PRELP: variants seen among roughly 807,000 people sequenced by gnomAD.
PRELP encodes prolargin.
In PRELP, 16 loss-of-function variants were observed where a neutral mutation model predicts 22.8. The observed-to-expected ratio is 0.70, with a 90% CI of 0.47 to 1.06. The LOEUF is 1.06. Among genes scored for constraint, PRELP ranks in the 50% least tolerant of loss-of-function variants. The pLI is 0.00. For missense variants in PRELP, 434 were observed against 485.2 expected, an observed-to-expected ratio of 0.89 and a Z score of 0.99; for synonymous variants, 233 against 211.4, an observed-to-expected ratio of 1.10 and a Z score of -0.89.
At chr1:203,477,818 T>A (rs556910114) in intron 1 of PRELP, among the ~76,000 whole-genome samples, 1 of 152,356 alleles carries the variant, frequency 6.6e-6, no homozygotes, top group African/African-American at 2.4e-5. Flanking sequence ...TCCCCTCACC[T>A]GTTGCAGAAA....
At chr1:203,486,100 G>C (rs924843918) in intron 2 of PRELP, among the ~76,000 whole-genome samples, 1 of 152,186 alleles carries the variant, frequency 6.6e-6, no homozygotes, top group African/African-American at 2.4e-5. Flanking sequence ...AGTGTAGCCG[G>C]ATTATCTTTG....
At position 203,484,163 on chromosome 1, in the gene PRELP, T is replaced by C; in HGVS notation, c.973+6T>C. On this transcript the variant is annotated splice_donor_region_variant and intron_variant, in intron 2 of 2. Coordinates refer to ENST00000343110, the MANE Select transcript of PRELP (RefSeq NM_002725.4). ...CAACAACAATAGCATCGAGAGTGAG[T>C]GGGGTGGGCCGGGGCGGGGCCGAAG... The C allele has an allele frequency of 1.2e-5, 7 of 596,878 alleles. No homozygotes were observed. The highest frequency in any genetic ancestry group is 2.1e-5 in the Non-Finnish European group (7 of 326,086). The allele number at this position is 596,878 out of a possible 1,614,324, so 37.0% of individuals were successfully genotyped here.
At chr1:203,476,974 T>C (rs1211392860) in intron 1 of PRELP, among the ~76,000 whole-genome samples, 2 of 148,454 alleles carry the variant, frequency 1.3e-5, no homozygotes, top group African/African-American at 4.9e-5. Flanking sequence ...CCTTAAGCAG[T>C]TGGGGAGGGG....
At chr1:203,477,959 A>C (rs572493452) in intron 1 of PRELP, among the ~76,000 whole-genome samples, 2 of 152,288 alleles carry the variant, frequency 1.3e-5, no homozygotes, top group South Asian at 4.1e-4. Context: ...AAGGGGAGGA[A>C]GTTGCTCTGT....
intron 1 of PRELP, among the ~76,000 whole-genome samples, chr1:203,476,253 A>T (rs933712914): frequency 3.3e-5 from 5 of 152,254 alleles, no homozygotes; most frequent in African/African-American, 1.2e-4. Flanking sequence ...TTCCATAGAA[A>T]CTGGACTCCA....
Position 203,483,794 on chromosome 1 carries a change from C to A in PRELP, c.610C>A (p.His204Asn), listed in dbSNP as rs762091905. The A allele has an allele frequency of 1.9e-6, 3 of 1,614,076 alleles. No homozygotes were observed. The African/African-American group carries it at 4.0e-5, about 22-fold the overall frequency. The change falls in exon 2 of 3, where the codon CAC (histidine) becomes AAC (asparagine). Residue 204 changes from histidine (H) to asparagine (N), a missense_variant. By Grantham distance (68) the His-to-Asn change is moderately conservative (BLOSUM62 1). Transcript: ENST00000343110. This position sits in a 1 kb window ranked among gnomAD's most constrained non-coding sequence, Gnocchi z 4.4. ...LENLLLLDLQ[H>N]NRLSDGVFKP... ...GAACCTGCTGCTCCTGGATCTCCAGCACAACAGGCTGAGCGACGGCGTCTT... is the reference window on the plus strand; with the variant it reads ...GAACCTGCTGCTCCTGGATCTCCAGAACAACAGGCTGAGCGACGGCGTCTT...
rs188954223 is a variant in PRELP, at chr1:203,478,707, C to G, written c.-17+2769C>G. On this transcript the variant is annotated intron_variant, in intron 1 of 2. Coordinates refer to ENST00000343110, the MANE Select transcript of PRELP (RefSeq NM_002725.4). ...GAGGGGTGAGAATCTTCTCTCCTAACTAGTATGCACCACAGGCTCTCCTCC... is the reference window on the plus strand; with the variant it reads ...GAGGGGTGAGAATCTTCTCTCCTAAGTAGTATGCACCACAGGCTCTCCTCC... Among the ~76,000 whole-genome samples, 71 of 152,238 alleles carry G rather than the reference C, an allele frequency of 4.7e-4. 1 individual carries two copies. The highest frequency in any genetic ancestry group is 9.1e-4 in the Non-Finnish European group (62 of 68,012).
rs1661169240 is a variant in PRELP at position 203,490,267 on chromosome 1, C to G, written c.*3386C>G. On this transcript the variant is annotated 3_prime_UTR_variant, in exon 3 of 3. Coordinates refer to ENST00000343110, the MANE Select transcript of PRELP (RefSeq NM_002725.4). ...ACACGTGAGTCACCATGCCCAGCCC[C>G]AAAGCCATTTCTTGAAGAATTTCTC... The G allele has an allele frequency of 6.6e-6, 1 of 152,160 alleles. No homozygotes were observed. The highest frequency in any genetic ancestry group is 1.5e-5 in the Non-Finnish European group (1 of 68,034). 9.4% of individuals were successfully genotyped at this position (152,160 alleles called of 1,614,324 possible).
rs886490922 is a variant in PRELP, at chr1:203,490,772, C to T, written c.*3891C>T. 1 of 152,220 alleles carries T rather than the reference C, an allele frequency of 6.6e-6. No individual in the cohort carries two copies. The highest frequency in any genetic ancestry group is 2.4e-5 in the African/African-American group (1 of 41,442). The allele number at this position is 152,220 out of a possible 1,614,324, so 9.4% of individuals were successfully genotyped here. On this transcript the variant is annotated 3_prime_UTR_variant, in exon 3 of 3. Transcript: ENST00000343110. ...AATGAGAACTGCCAGGTGACGCCCT[C>T]GCTGCTCCTACCTGGCTACTAAACA...
At position 203,487,794 on chromosome 1, in the gene PRELP, A is replaced by T. The variant is rs941267406; in HGVS notation, c.*913A>T. ...CCGCCCCCGCCATCTGTTCTCCATC[A>T]GTGTGCGCGGCCCAGCCATTTCCAC... is the stretch of plus-strand genomic sequence containing the variant. On this transcript the variant is annotated 3_prime_UTR_variant, in exon 3 of 3. Coordinates refer to ENST00000343110, the MANE Select transcript of PRELP (RefSeq NM_002725.4). The T allele has an allele frequency of 1.3e-5, 2 of 152,246 alleles. No individual in the cohort carries two copies. Among genetic ancestry groups the T allele is most frequent in the Non-Finnish European group, 2.9e-5 (2 of 68,070 alleles). The allele number at this position is 152,246 out of a possible 1,614,324, so 9.4% of individuals were successfully genotyped here.
chr1:203,484,295 C>T (rs925852779), intron 2 of PRELP, 138 bp downstream of exon 2: 1 of 1,330,454 alleles, frequency 7.5e-7, no homozygotes, highest in African/African-American at 1.5e-5. Context: ...CATGGCCTTG[C>T]CACTTGCTAT....
rs576578609 is a variant in PRELP at position 203,483,908 on chromosome 1, A to C, written c.724A>C (p.Thr242Pro). Residue 242 changes from threonine to proline, a missense_variant, in exon 2 of 3, where the codon ACC (threonine) becomes CCC (proline). Coordinates refer to ENST00000343110, the MANE Select transcript of PRELP (RefSeq NM_002725.4). This position sits in a 1 kb window ranked among gnomAD's most constrained non-coding sequence, Gnocchi z 4.4. ...GAGAAAGATGCCGCCCAGGGTCCCC[A>C]CCGCCATTCACCAGCTCTACCTGGA... Reference protein sequence around the residue: ...ILRKMPPRVPTAIHQLYLDSN... With the variant: ...ILRKMPPRVPPAIHQLYLDSN... 1 of 1,614,198 alleles carries C rather than the reference A, an allele frequency of 6.2e-7. No homozygotes were observed. Among genetic ancestry groups the C allele is most frequent in the East Asian group, 2.2e-5 (1 of 44,884 alleles).
chr1:203,486,934 G>A lies in PRELP; in HGVS notation c.*53G>A. ...GACCGCACTTGAAGGCTGGGGCCCA[G>A]GCACCTGTGCCGGCCATTCGTTTTC... On this transcript the variant is annotated 3_prime_UTR_variant, in exon 3 of 3. Coordinates refer to ENST00000343110, the MANE Select transcript of PRELP (RefSeq NM_002725.4). 1 of 1,519,620 alleles carries A rather than the reference G, an allele frequency of 6.6e-7. No homozygotes were observed. The allele number at this position is 1,519,620 out of a possible 1,614,324, so 94.1% of individuals were successfully genotyped here. A position where few individuals can be genotyped will look rare whatever the true frequency, so the allele number is the denominator to read the frequency against.
Position 203,487,671 on chromosome 1 carries a change from G to A in PRELP, c.*790G>A, listed in dbSNP as rs1160121228. On this transcript the variant is annotated 3_prime_UTR_variant, in exon 3 of 3. Transcript: ENST00000343110. Reference sequence around the variant, plus strand: ...GGGTTCAAGCCCGGGATGGGCCCGCGTGACGTCGATGGGTCCTGCGGCCCC... The same window carrying A: ...GGGTTCAAGCCCGGGATGGGCCCGCATGACGTCGATGGGTCCTGCGGCCCC... 6.6e-6 allele frequency: 1 copy of A among 152,482 alleles called. No individual in the cohort carries two copies. The highest frequency in any genetic ancestry group is 1.5e-5 in the Non-Finnish European group (1 of 68,106). The allele number at this position is 152,482 out of a possible 1,614,324, so 9.4% of individuals were successfully genotyped here. A position where few individuals can be genotyped will look rare whatever the true frequency, so the allele number is the denominator to read the frequency against.
At chr1:203,479,220 A>G (rs1660958762) in intron 1 of PRELP, among the ~76,000 whole-genome samples, 1 of 152,058 alleles carries the variant, frequency 6.6e-6, no homozygotes, top group African/African-American at 2.4e-5. Context: ...GACAAACCCA[A>G]CCTCATTCCC....
At chr1:203,482,791 G>A (rs1429601125) in intron 1 of PRELP, among the ~76,000 whole-genome samples, 2 of 151,160 alleles carry the variant, frequency 1.3e-5, no homozygotes, top group Non-Finnish European at 2.9e-5. Context: ...TAGAGACAGG[G>A]TTTCACCGTG....
chr1:203,482,282 C>CTT (rs60629021), intron 1 of PRELP, among the ~76,000 whole-genome samples: 30 of 145,670 alleles, frequency 2.1e-4, no homozygotes, highest in Middle Eastern at 3.6e-3. Context: ...TTCTTTCTTT[C>CTT]TTTTTTTTTT....
At chr1:203,485,744 A>G (rs528638557) in intron 2 of PRELP, among the ~76,000 whole-genome samples, 18 of 147,672 alleles carry the variant, frequency 1.2e-4, no homozygotes, top group Admixed American at 2.7e-4. Flanking sequence ...GATGATGCCT[A>G]CTCTTCCTCC....
chr1:203,477,900 C>T (rs1437088440), intron 1 of PRELP, among the ~76,000 whole-genome samples: 2 of 152,146 alleles, frequency 1.3e-5, no homozygotes, highest in Non-Finnish European at 2.9e-5. Context: ...CTTCCAGAGT[C>T]TCCTCAGTTA....
Sources: gnomAD v4.1 joint callset for allele counts (sites outside exome capture counted in the v4.1 genomes callset) on GRCh38, gnomAD v4.1.1 for gene constraint, Gnocchi (gnomAD v3.1) non-coding constraint, MANE v1.5 for transcripts, NCBI Gene and HGNC (gene_info 2026-07-23, HGNC 2026-07-21) for gene names.